The following RELN variants were observed in gnomAD, a reference collection of about 807,000 sequenced individuals.
The protein encoded by RELN is reelin.
Under a neutral mutation model 427.6 loss-of-function variants are expected in RELN, and 108 were observed. The ratio of observed to expected loss-of-function variants is 0.25; its 90% confidence interval spans 0.22 to 0.30. RELN has a LOEUF of 0.30. Ranked by LOEUF, RELN falls within the 10% of genes least tolerant of loss-of-function variation. The probability of loss-of-function intolerance (pLI) is 1.00; values close to 1 mark genes in which losing one functional copy is unlikely to be tolerated. For missense variants in RELN, 3,715 were observed against 4,302.8 expected (o/e 0.86, Z 3.82); for synonymous variants, 1,524 against 1,513.4 (o/e 1.01, Z -0.16).
chr7:103,483,887 A>G (rs771464167), intron 61 of RELN, 37 bp from the exon 62 acceptor site: 4 of 1,590,600 alleles, frequency 2.5e-6, no homozygotes, highest in Non-Finnish European at 3.4e-6. Context: ...ATTTTTATTT[A>G]TTTATTTTTT....
intron 2 of RELN, among the ~76,000 whole-genome samples, chr7:103,900,453 A>T (rs1473896096): frequency 3.3e-5 from 5 of 152,168 alleles, no homozygotes; most frequent in Non-Finnish European, 5.9e-5. Flanking sequence ...ACTACTTTAA[A>T]GTTCATATGG....
At chr7:103,491,647 T>C (rs1462801771) in intron 58 of RELN, among the ~76,000 whole-genome samples, 1 of 151,946 alleles carries the variant, frequency 6.6e-6, no homozygotes, top group Non-Finnish European at 1.5e-5. Flanking sequence ...CTGACCAACA[T>C]GGAGAAACCC....
At chr7:103,797,183 G>A (rs1313907416) in intron 3 of RELN, among the ~76,000 whole-genome samples, 1 of 151,920 alleles carries the variant, frequency 6.6e-6, no homozygotes, top group South Asian at 2.1e-4. Context: ...CCTCAGGTTC[G>A]ACCTGCCTCT....
chr7:103,837,126 T>C (rs1202749152), intron 2 of RELN, among the ~76,000 whole-genome samples: 1 of 152,212 alleles, frequency 6.6e-6, no homozygotes, highest in African/African-American at 2.4e-5. Flanking sequence ...ATTCGACTTT[T>C]TTCCCTAAAT....
At chr7:103,917,212 C>T (rs754229297) in intron 1 of RELN, 27 bp from the exon 2 acceptor site, 2 of 1,430,652 alleles carry the variant, frequency 1.4e-6, no homozygotes, top group African/African-American at 1.4e-5. Context: ...AAAAAAAAAA[C>T]TCTCAATACA....
intron 28 of RELN, among the ~76,000 whole-genome samples, chr7:103,583,599 T>A (rs984831705): frequency 6.6e-6 from 1 of 152,232 alleles, no homozygotes; most frequent in African/African-American, 2.4e-5. Flanking sequence ...ACACCCATCC[T>A]TTCCACAAGG....
At chr7:103,540,741 G>C (rs1405161238) in intron 43 of RELN, among the ~76,000 whole-genome samples, 1 of 152,144 alleles carries the variant, frequency 6.6e-6, no homozygotes, top group African/African-American at 2.4e-5. Flanking sequence ...CACACCCTTT[G>C]GCTCTTCTAT....
chr7:103,506,250 C>T (rs184502372), intron 51 of RELN, among the ~76,000 whole-genome samples: 1 of 152,180 alleles, frequency 6.6e-6, no homozygotes, highest in East Asian at 1.9e-4. Context: ...CACAAAGATA[C>T]ATAATCGTCA....
At chr7:103,678,576 A>C (rs1308435722) in intron 11 of RELN, among the ~76,000 whole-genome samples, 2 of 152,166 alleles carry the variant, frequency 1.3e-5, no homozygotes, top group Non-Finnish European at 1.5e-5. Flanking sequence ...AAATATGGAT[A>C]ATTGGGAAAA....
intron 7 of RELN, among the ~76,000 whole-genome samples, chr7:103,723,905 T>A (rs1562972473): frequency 1.3e-5 from 2 of 152,200 alleles, no homozygotes. Flanking sequence ...CTTAGTTTCA[T>A]GCTTAAGAAG....
chr7:103,869,887 A>G (rs1794287520), intron 2 of RELN, among the ~76,000 whole-genome samples: 1 of 152,066 alleles, frequency 6.6e-6, no homozygotes, highest in African/African-American at 2.4e-5. Flanking sequence ...CATATTTTGG[A>G]CCATTTCATA....
At chr7:103,500,678 C>A in intron 53 of RELN, 67 bp downstream of exon 53, 1 of 1,514,322 alleles carries the variant, frequency 6.6e-7, no homozygotes, top group Non-Finnish European at 9.1e-7. Flanking sequence ...ATGTCTCATA[C>A]ATAAGTTGGT....
chr7:103,607,350 A>C (rs143477487), intron 22 of RELN, among the ~76,000 whole-genome samples: 1 of 152,336 alleles, frequency 6.6e-6, no homozygotes, highest in African/African-American at 2.4e-5. Flanking sequence ...TTGAGAAAAA[A>C]AATTAGTTGT....
At chr7:103,984,172 A>T (rs1428917074) in intron 1 of RELN, among the ~76,000 whole-genome samples, 2 of 151,564 alleles carry the variant, frequency 1.3e-5, no homozygotes, top group Admixed American at 6.6e-5. Flanking sequence ...AAAAAAATCA[A>T]AGACAGATTT....
chr7:103,818,726 A>G (rs977968873), intron 3 of RELN, among the ~76,000 whole-genome samples: 1 of 152,162 alleles, frequency 6.6e-6, no homozygotes, highest in African/African-American at 2.4e-5. Context: ...ACAGATTATA[A>G]TACATCCACA....
chr7:103,747,472 T>C (rs970458933), intron 6 of RELN, among the ~76,000 whole-genome samples: 4 of 151,896 alleles, frequency 2.6e-5, no homozygotes, highest in African/African-American at 9.7e-5. Context: ...CGCACAGAAA[T>C]AGAGCTCATA....
intron 2 of RELN, among the ~76,000 whole-genome samples, chr7:103,871,292 G>T (rs1185600789): frequency 6.6e-6 from 1 of 152,020 alleles, no homozygotes; most frequent in Non-Finnish European, 1.5e-5. Flanking sequence ...CATTCTTTAA[G>T]AACTATCTTT....
chr7:103,554,442 A>C (rs1309111452), intron 38 of RELN, among the ~76,000 whole-genome samples: 1 of 151,290 alleles, frequency 6.6e-6, no homozygotes, highest in Non-Finnish European at 1.5e-5. Context: ...ATGGTGGTGC[A>C]TGCCTGTAGT....
At chr7:103,568,285 T>C (rs1478894520) in intron 31 of RELN, among the ~76,000 whole-genome samples, 1 of 152,184 alleles carries the variant, frequency 6.6e-6, no homozygotes, top group African/African-American at 2.4e-5. Context: ...CATGGAATTA[T>C]TGTCACTACA....
Sources: allele counts gnomAD v4.1 joint callset (sites outside exome capture counted in the v4.1 genomes callset), GRCh38; gene constraint gnomAD v4.1.1; transcripts MANE v1.5; gene names NCBI Gene and HGNC (gene_info 2026-07-23, HGNC 2026-07-21).